Variants in EIPR1 observed in about 807,000 individuals in gnomAD.
The protein encoded by EIPR1 is EARP and GARP complex-interacting protein 1.
Under a neutral mutation model 48.1 loss-of-function variants are expected in EIPR1, and 25 were observed. That is an observed-to-expected ratio of 0.52 (90% confidence interval 0.38 to 0.73). The LOEUF is 0.73. Ranked by LOEUF, EIPR1 falls within the 30% of genes least tolerant of loss-of-function variation. The pLI is 0.00. For missense variants in EIPR1, 415 were observed against 506.2 expected (o/e 0.82, Z 1.73); for synonymous variants, 204 against 201.9 (o/e 1.01, Z -0.09).
chr2:3,357,222 T>C (rs1023932041), intron 1 of EIPR1, among the ~76,000 whole-genome samples: 63 of 152,236 alleles, frequency 4.1e-4, no homozygotes, highest in African/African-American at 1.4e-3. Context: ...GAGCGTACTT[T>C]CATTTTCAGT....
At chr2:3,293,439 G>A (rs1418518670) in intron 3 of EIPR1, among the ~76,000 whole-genome samples, 1 of 152,244 alleles carries the variant, frequency 6.6e-6, no homozygotes, top group Non-Finnish European at 1.5e-5. Context: ...TTTCTCTCAT[G>A]GCAAAGCTGC....
chr2:3,363,995 T>C (rs1306225665), intron 1 of EIPR1, among the ~76,000 whole-genome samples: 2 of 152,148 alleles, frequency 1.3e-5, no homozygotes, highest in African/African-American at 4.8e-5. Flanking sequence ...TAATTTTTAT[T>C]AAAAAGGCAG....
intron 5 of EIPR1, among the ~76,000 whole-genome samples, chr2:3,213,568 T>A (rs1665528294): frequency 6.6e-6 from 1 of 152,222 alleles, no homozygotes; most frequent in Non-Finnish European, 1.5e-5. Flanking sequence ...AATCCATTCG[T>A]CAAAAGGACA....
chr2:3,263,377 T>A (rs957210547), intron 3 of EIPR1, among the ~76,000 whole-genome samples: 2 of 152,172 alleles, frequency 1.3e-5, no homozygotes, highest in Non-Finnish European at 2.9e-5. Context: ...GCCCCTTCCA[T>A]CCTGAGAACA....
At chr2:3,311,768 C>T (rs796516493) in intron 3 of EIPR1, among the ~76,000 whole-genome samples, 5 of 142,136 alleles carry the variant, frequency 3.5e-5, no homozygotes, top group African/African-American at 1.3e-4. Context: ...GCTCCACTCG[C>T]AGGATGCTGT....
intron 5 of EIPR1, among the ~76,000 whole-genome samples, chr2:3,200,367 G>T (rs1171904083): frequency 6.6e-6 from 1 of 152,200 alleles, no homozygotes; most frequent in Non-Finnish European, 1.5e-5. Context: ...CTTAGGAAAA[G>T]CGCGGGGCTT....
At chr2:3,346,601 A>G (rs2103363776) in intron 2 of EIPR1, among the ~76,000 whole-genome samples, 1 of 152,336 alleles carries the variant, frequency 6.6e-6, no homozygotes, top group East Asian at 1.9e-4. Context: ...GGAGAAAAAT[A>G]AATACACAAT....
At chr2:3,321,179 T>G (rs1558297033) in intron 3 of EIPR1, among the ~76,000 whole-genome samples, 1 of 152,204 alleles carries the variant, frequency 6.6e-6, no homozygotes, top group Non-Finnish European at 1.5e-5. Flanking sequence ...CATGTCTTGA[T>G]TTCTTTCTCT....
At chr2:3,213,768 C>T (rs1299465678) in intron 5 of EIPR1, among the ~76,000 whole-genome samples, 1 of 152,178 alleles carries the variant, frequency 6.6e-6, no homozygotes, top group African/African-American at 2.4e-5. Flanking sequence ...TCAGTCTGTT[C>T]ATTAACTAAG....
intron 3 of EIPR1, among the ~76,000 whole-genome samples, chr2:3,280,480 T>G (rs1273229788): frequency 6.6e-6 from 1 of 152,146 alleles, no homozygotes; most frequent in Non-Finnish European, 1.5e-5. Context: ...GCCCCGCCTC[T>G]CTGCTTGTCT....
intron 4 of EIPR1, among the ~76,000 whole-genome samples, chr2:3,216,645 T>C (rs1387671141): frequency 6.6e-6 from 1 of 152,244 alleles, no homozygotes; most frequent in Non-Finnish European, 1.5e-5. Flanking sequence ...CTACCTCCTT[T>C]GGTGCCATAA....
chr2:3,275,978 G>A (rs34951820), intron 3 of EIPR1, among the ~76,000 whole-genome samples: 4,552 of 152,202 alleles, frequency 0.03, 112 homozygotes, highest in Middle Eastern at 0.044. Flanking sequence ...ACTCAAAGTC[G>A]ACTGTATTTT....
rs75022627 is a variant in EIPR1 at position 3,213,711 on chromosome 2, C to T, written c.516+438G>A. 1.4e-3 allele frequency among the ~76,000 whole-genome samples: 217 copies of T among 152,302 alleles called. 5 individuals are homozygous for T. The East Asian group carries it at 0.025, about 17-fold the overall frequency. ...TCACAAGCCCTGAGTGACATCTGAA[C>T]GGCTTTCACCTGAAAGACCCCATCA... On this transcript the variant is annotated intron_variant, in intron 5 of 8. Transcript: ENST00000382125.
intron 3 of EIPR1, among the ~76,000 whole-genome samples, chr2:3,263,182 T>C (rs1172209244): frequency 6.6e-6 from 1 of 152,108 alleles, no homozygotes; most frequent in African/African-American, 2.4e-5. Context: ...AAGCTGATTG[T>C]GAAGAACGGT....
chr2:3,245,597 T>C (rs1217312812), intron 4 of EIPR1, among the ~76,000 whole-genome samples: 6 of 152,232 alleles, frequency 3.9e-5, no homozygotes, highest in Non-Finnish European at 4.4e-5. Context: ...AGTTGTTCTT[T>C]TCCTGCACAA....
chr2:3,210,152 T>C (rs1350021948), intron 5 of EIPR1, among the ~76,000 whole-genome samples: 2 of 151,138 alleles, frequency 1.3e-5, no homozygotes, highest in African/African-American at 4.9e-5. Context: ...AATTTTGCCG[T>C]GAACTTAAAA....
intron 2 of EIPR1, among the ~76,000 whole-genome samples, chr2:3,349,537 G>A (rs904024526): frequency 7.9e-5 from 12 of 152,194 alleles, no homozygotes; most frequent in African/African-American, 2.9e-4. Context: ...GAGGACGCTG[G>A]GAGACCAGGA....
rs115892420 is a variant in EIPR1, at chr2:3,259,906, A to T, written c.260-2451T>A. On this transcript the variant is annotated intron_variant, in intron 3 of 8. Transcript: ENST00000382125. Reference sequence around the variant, plus strand: ...AAATAAACTTGTATCCTACCTCATAACATACTCAAAAACCAATTCCAGCTA... The same window carrying T: ...AAATAAACTTGTATCCTACCTCATATCATACTCAAAAACCAATTCCAGCTA... Among the ~76,000 whole-genome samples the T allele has an allele frequency of 6.5e-3, 990 of 152,334 alleles. 13 individuals carry two copies. Among genetic ancestry groups the T allele is most frequent in the African/African-American group, 0.023 (959 of 41,572 alleles).
intron 3 of EIPR1, among the ~76,000 whole-genome samples, chr2:3,285,732 G>A (rs775232080): frequency 0.024 from 1,936 of 79,066 alleles, 31 homozygotes; most frequent in Non-Finnish European, 0.036. Context: ...AGAAGTCACC[G>A]ACTGTCTCCG....
Sources: allele counts gnomAD v4.1 joint callset (sites outside exome capture counted in the v4.1 genomes callset), GRCh38; gene constraint gnomAD v4.1.1; transcripts MANE v1.5; gene names NCBI Gene and HGNC (gene_info 2026-07-23, HGNC 2026-07-21).